Variants in STAT1 observed in about 807,000 individuals in gnomAD.
STAT1 encodes the protein signal transducer and activator of transcription 1-alpha/beta.
In STAT1, 24 loss-of-function variants were observed where a neutral mutation model predicts 111.7. The observed-to-expected ratio is 0.21, with a 90% CI of 0.16 to 0.30. STAT1 has a LOEUF of 0.30. Ranked by LOEUF, STAT1 falls within the 10% of genes least tolerant of loss-of-function variation. STAT1 has a pLI of 1.00. For missense variants in STAT1, 351 were observed against 911.9 expected, an observed-to-expected ratio of 0.38 and a Z score of 7.92; for synonymous variants, 332 against 326.5, an observed-to-expected ratio of 1.02 and a Z score of -0.18.
rs1693767714 is a variant in STAT1 at position 190,995,337 on chromosome 2, C to A, written c.786-118G>T. On this transcript the variant is annotated intron_variant, in intron 9 of 24. Transcript: ENST00000361099. The surrounding 1 kb of genome is among the most constrained non-coding windows in gnomAD (Gnocchi z 4.2). ...GCTGCTAATAAAGACATACTCGAGA[C>A]TGGAGAATTTATAAAGGAAAGAGGT... 1 of 1,051,004 alleles carries A rather than the reference C, an allele frequency of 9.5e-7. No homozygotes were observed. The highest frequency in any genetic ancestry group is 1.6e-5 in the African/African-American group (1 of 63,812). The allele number at this position is 1,051,004 out of a possible 1,614,324, so 65.1% of individuals were successfully genotyped here.
Position 190,995,063 on chromosome 2 carries a change from C to T in STAT1, c.942G>A (p.Gln314=), listed in dbSNP as rs1693746927. The T allele has an allele frequency of 6.2e-7, 1 of 1,613,454 alleles. No individual in the cohort carries two copies. Among genetic ancestry groups the T allele is most frequent in the South Asian group, 1.1e-5 (1 of 91,078 alleles). The change falls in exon 10 of 25, where the codon CAG becomes CAA. Residue 314 remains glutamine (Q), a splice_region_variant and synonymous_variant. Coordinates refer to ENST00000361099, the MANE Select transcript of STAT1 (RefSeq NM_007315.4). This position sits in a 1 kb window ranked among gnomAD's most constrained non-coding sequence, Gnocchi z 4.2. ...CAAATAAATGTCCCTTGAGTTACCT[C>T]TGAATGAGCTGCTGGAAAAGACTGA... ...RTFSLFQQLI[Q]SSFVVERQPC...
chr2:190,994,927 A>AAAATATATATATAT (rs1165918318), intron 10 of STAT1, 134 bp downstream of exon 10: 2 of 134,082 alleles, frequency 1.5e-5, no homozygotes, highest in African/African-American at 8.0e-5. Flanking sequence ...AAAAAAAAAA[A>AAAATATATATATAT]ATATATATAT....
rs760921504 is a variant in STAT1 at position 190,982,569 on chromosome 2, CAAGTGTGGCACTAA to C, written c.1447-65_1447-52del. 3 of 1,601,706 alleles carry C rather than the reference CAAGTGTGGCACTAA, an allele frequency of 1.9e-6. No individual in the cohort carries two copies. The East Asian group carries it at 6.7e-5, about 36-fold the overall frequency. ...AGGGTTACTACAGAGACACCAGTCA[CAAGTGTGGCACTAA>C]AACATATGTCCATCCCAAAGTTCAA... is the stretch of plus-strand genomic sequence containing the variant. On this transcript the variant is annotated intron_variant, in intron 17 of 24. Transcript: ENST00000361099. This position sits in a 1 kb window ranked among gnomAD's most constrained non-coding sequence, Gnocchi z 7.3.
chr2:190,975,883 T>C lies in STAT1; in HGVS notation c.2064A>G (p.Pro688=). ...TAGGGCCATCAAGTTCCATTGGCTC[T>C]GGTGCTAGAAATAAACACATTGTGT... ...GKYYSRPKEA[P]EPMELDGPKG... The change falls in exon 23 of 25, where the codon CCA becomes CCG. Residue 688 remains proline, a synonymous_variant. Transcript: ENST00000361099. The surrounding 1 kb of genome is among the most constrained non-coding windows in gnomAD (Gnocchi z 5.9). 1 of 1,613,538 alleles carries C rather than the reference T, an allele frequency of 6.2e-7. No individual in the cohort carries two copies. The highest frequency in any genetic ancestry group is 8.5e-7 in the Non-Finnish European group (1 of 1,179,398).
chr2:190,985,815 G>A (rs1393799517), intron 14 of STAT1, among the ~76,000 whole-genome samples, 155 bp from the exon 15 acceptor site: 1 of 152,178 alleles, frequency 6.6e-6, no homozygotes, highest in African/African-American at 2.4e-5. Context: ...CCTCGTTCAG[G>A]GTCCATGAGC....
At chr2:191,009,844 A>G in intron 3 of STAT1, 32 bp downstream of exon 3, 5 of 1,612,580 alleles carry the variant, frequency 3.1e-6, no homozygotes, top group South Asian at 1.1e-5. Flanking sequence ...TAAGGTGTAA[A>G]CTTCTTCTTC....
intron 3 of STAT1, among the ~76,000 whole-genome samples, 194 bp from the exon 4 acceptor site, chr2:191,009,301 C>T (rs1158895642): frequency 6.6e-6 from 1 of 152,082 alleles, no homozygotes; most frequent in East Asian, 1.9e-4. Flanking sequence ...GCAATTAGCA[C>T]AAAAAATTCT....
chr2:190,999,760 A>G lies in STAT1; in HGVS notation c.463-56T>C. On this transcript the variant is annotated intron_variant, in intron 6 of 24. Coordinates refer to ENST00000361099, the MANE Select transcript of STAT1 (RefSeq NM_007315.4). The surrounding 1 kb of genome is among the most constrained non-coding windows in gnomAD (Gnocchi z 4.1). ...CTGATCAGCAACTTCCAAAGACTTT[A>G]GGCAACAGAGTATTGCTTCTATGGA... 1 of 1,267,174 alleles carries G rather than the reference A, an allele frequency of 7.9e-7. No individual in the cohort carries two copies. Among genetic ancestry groups the G allele is most frequent in the Non-Finnish European group, 1.2e-6 (1 of 868,904 alleles). The allele number at this position is 1,267,174 out of a possible 1,614,324, so 78.5% of individuals were successfully genotyped here.
At position 190,993,360 on chromosome 2, in the gene STAT1, G is replaced by A; in HGVS notation, c.944+1701C>T. On this transcript the variant is annotated intron_variant, in intron 10 of 24. Coordinates refer to ENST00000361099, the MANE Select transcript of STAT1 (RefSeq NM_007315.4). This position sits in a 1 kb window ranked among gnomAD's most constrained non-coding sequence, Gnocchi z 4.1. ...GAGATGACTGTTCGAAACCTTTCCT[G>A]TTCTGCTGTGTTCCATATTTGAAGC... 1.8e-6 allele frequency: 2 copies of A among 1,098,576 alleles called. No individual in the cohort carries two copies. Among genetic ancestry groups the A allele is most frequent in the Admixed American group, 2.0e-5 (1 of 50,280 alleles). The allele number at this position is 1,098,576 out of a possible 1,614,324, so 68.1% of individuals were successfully genotyped here.
Position 190,998,763 on chromosome 2 carries a change from G to A in STAT1, c.542-455C>T, listed in dbSNP as rs1283453563. On this transcript the variant is annotated intron_variant, in intron 7 of 24. Transcript: ENST00000361099. This position sits in a 1 kb window ranked among gnomAD's most constrained non-coding sequence, Gnocchi z 4.1. ...TATCTGCCACTTAAGACACTGTCAGGTAATTACCTAAATAAATGTAAATAA... is the reference window on the plus strand; with the variant it reads ...TATCTGCCACTTAAGACACTGTCAGATAATTACCTAAATAAATGTAAATAA... Among the ~76,000 whole-genome samples the A allele has an allele frequency of 6.6e-6, 1 of 151,086 alleles. No individual in the cohort carries two copies. Among genetic ancestry groups the A allele is most frequent in the Non-Finnish European group, 1.5e-5 (1 of 67,856 alleles).
Position 190,975,237 on chromosome 2 carries a change from G to T in STAT1, c.2136-305C>A. On this transcript the variant is annotated intron_variant, in intron 23 of 24. Coordinates refer to ENST00000361099, the MANE Select transcript of STAT1 (RefSeq NM_007315.4). This position sits in a 1 kb window ranked among gnomAD's most constrained non-coding sequence, Gnocchi z 5.9. ...GAGCATGTGCGGTGCACTACCCTGA[G>T]ATGACAATGCCTCGTGGCTTACCCT... 2.2e-6 allele frequency: 1 copy of T among 460,228 alleles called. No individual in the cohort carries two copies. The allele number at this position is 460,228 out of a possible 1,614,324, so 28.5% of individuals were successfully genotyped here.
chr2:190,994,285 A>G (rs1693639772), intron 10 of STAT1, among the ~76,000 whole-genome samples: 1 of 152,158 alleles, frequency 6.6e-6, no homozygotes, highest in South Asian at 2.1e-4. Context: ...AGCTAGGTCC[A>G]GGCTGCAGAA....
chr2:190,983,149 A>G lies in STAT1; in HGVS notation c.1446+493T>C, dbSNP rs1692515352. On this transcript the variant is annotated intron_variant, in intron 17 of 24. Transcript: ENST00000361099. The surrounding 1 kb of genome is among the most constrained non-coding windows in gnomAD (Gnocchi z 5.7). ...AGATAAGGTGTCTTTAAACAGAAAC[A>G]CACATAAACAATGTTATGCATTGAT... Among the ~76,000 whole-genome samples the G allele has an allele frequency of 6.6e-6, 1 of 152,186 alleles. No homozygotes were observed. Among genetic ancestry groups the G allele is most frequent in the South Asian group, 2.1e-4 (1 of 4,824 alleles).
At chr2:191,009,689 CT>C (rs1694981688) in intron 3 of STAT1, among the ~76,000 whole-genome samples, 186 bp downstream of exon 3, 1 of 152,184 alleles carries the variant, frequency 6.6e-6, no homozygotes, top group South Asian at 2.1e-4. Flanking sequence ...ATATACTTAA[CT>C]TTGTTGAGAC....
rs1005390630 is a variant in STAT1, at chr2:190,983,931, A to G, written c.1348-191T>C. On this transcript the variant is annotated intron_variant, in intron 16 of 24. Coordinates refer to ENST00000361099, the MANE Select transcript of STAT1 (RefSeq NM_007315.4). This position sits in a 1 kb window ranked among gnomAD's most constrained non-coding sequence, Gnocchi z 5.7. ...CTTTGATGTATCTTTCAGTTAAGAA[A>G]TAAGTCCCTAAAAATAATAATAGCT... Among the ~76,000 whole-genome samples the G allele has an allele frequency of 1.5e-4, 23 of 152,218 alleles. No individual in the cohort carries two copies. Among genetic ancestry groups the G allele is most frequent in the African/African-American group, 5.3e-4 (22 of 41,436 alleles).
At position 190,999,620 on chromosome 2, in the gene STAT1, C is replaced by G. The variant is rs775498408; in HGVS notation, c.541+6G>C. ...AACGGGCACCACTTCAGTTGTGAAC[C>G]CTTACCTCTGTTCTGCAAGGTTTTG... is the stretch of plus-strand genomic sequence containing the variant. On this transcript the variant is annotated splice_donor_region_variant and intron_variant, in intron 7 of 24. Transcript: ENST00000361099. This position sits in a 1 kb window ranked among gnomAD's most constrained non-coding sequence, Gnocchi z 4.1. 1.2e-5 allele frequency: 20 copies of G among 1,611,394 alleles called. No homozygotes were observed. In the Admixed American group the frequency reaches 3.2e-4, roughly 26 times the overall value.
In STAT1 at chr2:190,986,555, G is replaced by A. The variant is rs114759424; in HGVS notation, c.1221+299C>T. The stretch of plus-strand genomic sequence containing the variant: ...CATAACCTTTGAGAAAACTGCAAGC[G>A]TAGGTGAGTGACCGTGGGGATCATG... On this transcript the variant is annotated intron_variant, in intron 14 of 24. Transcript: ENST00000361099. This position sits in a 1 kb window ranked among gnomAD's most constrained non-coding sequence, Gnocchi z 5.0. Among the ~76,000 whole-genome samples the A allele has an allele frequency of 2.4e-3, 368 of 152,320 alleles. 2 individuals are homozygous for A. Among genetic ancestry groups the A allele is most frequent in the African/African-American group, 7.9e-3 (329 of 41,556 alleles).
At position 190,982,504 on chromosome 2, in the gene STAT1, G is replaced by A; in HGVS notation, c.1461C>T (p.Phe487=). ...LVAEPRNLSF[F]LTPPCARWAQ... is the part of the protein sequence containing the mutation. ...CCCATCGTGCACATGGTGGAGTCAG[G>A]AAGAAGGACAGATTCTAGAGAGAAA... Residue 487 remains phenylalanine (F), a synonymous_variant, in exon 18 of 25, where the codon TTC becomes TTT. Coordinates refer to ENST00000361099, the MANE Select transcript of STAT1 (RefSeq NM_007315.4). This position sits in a 1 kb window ranked among gnomAD's most constrained non-coding sequence, Gnocchi z 7.3. 1 of 1,614,188 alleles carries A rather than the reference G, an allele frequency of 6.2e-7. No individual in the cohort carries two copies. Among genetic ancestry groups the A allele is most frequent in the East Asian group, 2.2e-5 (1 of 44,884 alleles).
Position 190,969,931 on chromosome 2 carries a change from T to C in STAT1, c.*772A>G, listed in dbSNP as rs982454382. ...TGGGAGAACTGTAAAAATAATTGTA[T>C]GTGACCAAGATGAAAGCAGAATGTA... On this transcript the variant is annotated 3_prime_UTR_variant, in exon 25 of 25. Transcript: ENST00000361099. 2 of 152,374 alleles carry C rather than the reference T, an allele frequency of 1.3e-5. No homozygotes were observed. The highest frequency in any genetic ancestry group is 2.1e-4 in the South Asian group (1 of 4,836). 9.4% of individuals were successfully genotyped at this position (152,374 alleles called of 1,614,324 possible). A position where few individuals can be genotyped will look rare whatever the true frequency, so the allele number is the denominator to read the frequency against.
Sources: gnomAD v4.1 joint callset for allele counts (sites outside exome capture counted in the v4.1 genomes callset) on GRCh38, gnomAD v4.1.1 for gene constraint, Gnocchi (gnomAD v3.1) non-coding constraint, MANE v1.5 for transcripts, NCBI Gene and HGNC (gene_info 2026-07-23, HGNC 2026-07-21) for gene names.